The following STK3 variants were observed in gnomAD, a reference collection of about 807,000 sequenced individuals.
The protein encoded by STK3 is serine/threonine kinase 3, also known as serine/threonine-protein kinase 3.
In STK3, 41 loss-of-function variants were observed where a neutral mutation model predicts 58.0. That is an observed-to-expected ratio of 0.71 (90% confidence interval 0.55 to 0.92). The LOEUF (loss-of-function observed/expected upper bound fraction) is 0.92, where lower values mean the gene tolerates loss of function less well. Ranked by LOEUF, STK3 falls within the 40% of genes least tolerant of loss-of-function variation. STK3 has a pLI of 0.00. For synonymous variants in STK3, 170 were observed against 191.0 expected, an observed-to-expected ratio of 0.89 and a Z score of 0.91; for missense variants, 479 against 602.7, an observed-to-expected ratio of 0.79 and a Z score of 2.15.
intron 10 of STK3, among the ~76,000 whole-genome samples, chr8:98,502,416 G>A (rs2131367830): frequency 6.6e-6 from 1 of 152,118 alleles, no homozygotes; most frequent in South Asian, 2.1e-4. Context: ...TTGCCTGATT[G>A]CCCTGACCAG....
chr8:98,613,056 A>T (rs1817326114), intron 6 of STK3, among the ~76,000 whole-genome samples: 1 of 152,160 alleles, frequency 6.6e-6, no homozygotes, highest in East Asian at 1.9e-4. Flanking sequence ...GAAATTAGGT[A>T]AGCACCAATA....
At position 98,592,252 on chromosome 8, in the gene STK3, C is replaced by T. The variant is rs118167677; in HGVS notation, c.822+3780G>A. ...GTATCTAAACTCAGACACCACTTCT[C>T]TAACTGGTGTTTCTATTCTGGCTAA... On this transcript the variant is annotated intron_variant, in intron 7 of 10. Transcript: ENST00000419617. 7.0e-3 allele frequency among the ~76,000 whole-genome samples: 1,073 copies of T among 152,320 alleles called. 5 individuals carry two copies. The highest frequency in any genetic ancestry group is 9.9e-3 in the Non-Finnish European group (675 of 68,022).
At chr8:98,631,826 AC>A (rs1336168902) in intron 6 of STK3, among the ~76,000 whole-genome samples, 26 of 152,092 alleles carry the variant, frequency 1.7e-4, no homozygotes, top group Non-Finnish European at 4.4e-5. Context: ...CACTATGCCC[AC>A]CTACTTTTTG....
At chr8:98,789,193 T>C (rs1368542377) in intron 1 of STK3, among the ~76,000 whole-genome samples, 1 of 152,152 alleles carries the variant, frequency 6.6e-6, no homozygotes, top group Non-Finnish European at 1.5e-5. Flanking sequence ...AGATGGAAAT[T>C]TAAAAATTCT....
intron 9 of STK3, among the ~76,000 whole-genome samples, chr8:98,545,450 G>C (rs1185458848): frequency 6.6e-6 from 1 of 152,174 alleles, no homozygotes; most frequent in East Asian, 1.9e-4. Flanking sequence ...CATGCCCATA[G>C]GGTCCACGTC....
At chr8:98,887,166 A>G (rs1281726737) in intron 1 of STK3, among the ~76,000 whole-genome samples, 1 of 152,184 alleles carries the variant, frequency 6.6e-6, no homozygotes, top group Non-Finnish European at 1.5e-5. Context: ...GTCACGTAAT[A>G]GTTGTTATGG....
intron 3 of STK3, among the ~76,000 whole-genome samples, chr8:98,877,746 G>T (rs1003014316): frequency 6.6e-6 from 1 of 151,946 alleles, no homozygotes; most frequent in Non-Finnish European, 1.5e-5. Flanking sequence ...GCCTCCCAAA[G>T]TGTTGGGATT....
chr8:98,773,203 A>G (rs1030468700), intron 2 of STK3, among the ~76,000 whole-genome samples: 13 of 152,054 alleles, frequency 8.5e-5, no homozygotes, highest in African/African-American at 2.9e-4. Flanking sequence ...ATATCTGTCC[A>G]ATTCTAAAAG....
chr8:98,383,442 A>G (rs62532726), intron 1 of STK3, among the ~76,000 whole-genome samples: 9,178 of 152,266 alleles, frequency 0.06, 680 homozygotes, highest in East Asian at 0.16. Flanking sequence ...TAGCAGGTGC[A>G]TGTCTGTCTG....
chr8:98,527,236 TA>T (rs1323421838), intron 9 of STK3, among the ~76,000 whole-genome samples: 1 of 152,134 alleles, frequency 6.6e-6, no homozygotes, highest in African/African-American at 2.4e-5. Context: ...TCAAAGAAAG[TA>T]AATTTTAAAA....
the STK3 span, among the ~76,000 whole-genome samples, chr8:98,358,942 C>G: frequency 2.0e-5 from 3 of 152,122 alleles, no homozygotes; most frequent in African/African-American, 7.2e-5. Context: ...AGCGCACACA[C>G]GCACATGCTC....
chr8:98,470,368 C>G (rs1188283319), intron 10 of STK3, among the ~76,000 whole-genome samples: 3 of 152,310 alleles, frequency 2.0e-5, no homozygotes, highest in East Asian at 1.9e-4. Flanking sequence ...TCCACCCTAG[C>G]CCTGCCACCG....
intron 10 of STK3, among the ~76,000 whole-genome samples, chr8:98,517,554 A>G (rs1394080877): frequency 6.6e-6 from 1 of 152,118 alleles, no homozygotes; most frequent in Non-Finnish European, 1.5e-5. Context: ...AAGATTTCTG[A>G]TAGTGAACTA....
intron 3 of STK3, among the ~76,000 whole-genome samples, chr8:98,854,934 G>A (rs998265753): frequency 2.6e-5 from 4 of 152,160 alleles, no homozygotes; most frequent in African/African-American, 9.7e-5. Flanking sequence ...GTGTGCACCT[G>A]TAATCCCAGC....
chr8:98,427,882 G>C lies in STK3; in HGVS notation n.483+6245C>G. The C allele has an allele frequency of 2.8e-6, 3 of 1,056,776 alleles. No individual in the cohort carries two copies. In the South Asian group the frequency reaches 5.0e-5, roughly 18 times the overall value. 65.5% of individuals were successfully genotyped at this position (1,056,776 alleles called of 1,614,324 possible). ...GGCCCGCCAGTAATGGGTAGGGAGA[G>C]GGGGCCCCGCCAGGGCGCACGGCGC... On this transcript the variant is annotated intron_variant and non_coding_transcript_variant, in intron 3 of 3. Coordinates refer to the STK3 transcript ENST00000517832.
At chr8:98,591,210 C>T (rs1026148154) in intron 7 of STK3, among the ~76,000 whole-genome samples, 1 of 152,158 alleles carries the variant, frequency 6.6e-6, no homozygotes. Context: ...TAATAAGTCC[C>T]AGCTCCCAGT....
intron 1 of STK3, among the ~76,000 whole-genome samples, chr8:98,797,752 C>A (rs1304550374): frequency 6.6e-6 from 1 of 152,146 alleles, no homozygotes; most frequent in African/African-American, 2.4e-5. Flanking sequence ...AGCTGGCAAT[C>A]TTAGAGTTTG....
chr8:98,365,795 T>C, the STK3 span, among the ~76,000 whole-genome samples: 4 of 152,358 alleles, frequency 2.6e-5, no homozygotes, highest in East Asian at 3.9e-4. Context: ...TACATAATAT[T>C]CTGCAACTTG....
intron 3 of STK3, among the ~76,000 whole-genome samples, chr8:98,402,070 T>C (rs1817948736): frequency 6.6e-6 from 1 of 152,222 alleles, no homozygotes; most frequent in African/African-American, 2.4e-5. Flanking sequence ...ATACTATCCT[T>C]GCTGTTCTAT....
Sources: gnomAD v4.1 joint callset for allele counts (sites outside exome capture counted in the v4.1 genomes callset) on GRCh38, gnomAD v4.1.1 for gene constraint, MANE v1.5 for transcripts, NCBI Gene and HGNC (gene_info 2026-07-23, HGNC 2026-07-21) for gene names.